Variants in TTC17 observed in about 807,000 individuals in gnomAD.
The protein encoded by TTC17 is tetratricopeptide repeat domain 17, also known as tetratricopeptide repeat protein 17.
A neutral mutation model predicts 143.8 loss-of-function variants in TTC17; 58 were observed. The ratio of observed to expected loss-of-function variants is 0.40; its 90% CI spans 0.33 to 0.50. The LOEUF is 0.50. Among genes scored for constraint, TTC17 ranks in the 20% least tolerant of loss-of-function variants. The pLI is 0.49. For synonymous variants in TTC17, 501 were observed against 497.8 expected (o/e 1.01, Z -0.09); for missense variants, 1,273 against 1,392.5 (o/e 0.91, Z 1.37).
At chr11:43,395,082 C>G (rs1206316888) in intron 5 of TTC17, among the ~76,000 whole-genome samples, 1 of 150,310 alleles carries the variant, frequency 6.7e-6, no homozygotes, top group Non-Finnish European at 1.5e-5. Context: ...ATGATCTCTT[C>G]AGTAGTTCAT....
Position 43,389,755 on chromosome 11 carries a change from A to G in TTC17, c.353A>G (p.Lys118Arg), listed in dbSNP as rs896433669. Residue 118 changes from lysine (K) to arginine (R), a missense_variant, in exon 3 of 24, where the codon AAG becomes AGG. By Grantham distance (26) the Lys-to-Arg change is conservative. This residue lies in a region of TTC17 where 325 missense variants were observed against 444.2 expected (regional missense o/e 0.73). Coordinates refer to ENST00000039989, the MANE Select transcript of TTC17 (RefSeq NM_018259.6). ...GAAGACCCAGACTGCATCAAAGCCA[A>G]GGTGCCCTTAGGGGACCTGGATCTA... ...NKEDPDCIKAKVPLGDLDLYD... is the reference protein window; with the variant it reads ...NKEDPDCIKARVPLGDLDLYD... 1 of 1,614,034 alleles carries G rather than the reference A, an allele frequency of 6.2e-7. No homozygotes were observed. The highest frequency in any genetic ancestry group is 1.3e-5 in the African/African-American group (1 of 74,934).
intron 16 of TTC17, among the ~76,000 whole-genome samples, chr11:43,440,051 G>A (rs761494879): frequency 6.6e-6 from 1 of 152,202 alleles, no homozygotes; most frequent in Non-Finnish European, 1.5e-5. Flanking sequence ...CAAGCAGCAA[G>A]CCTAAGATTT....
intron 16 of TTC17, among the ~76,000 whole-genome samples, chr11:43,435,886 A>G (rs892081243): frequency 5.9e-5 from 9 of 152,220 alleles, no homozygotes; most frequent in African/African-American, 2.2e-4. Flanking sequence ...TTATGAATGG[A>G]ACAAGGTCTT....
In TTC17 at chr11:43,462,914, C is replaced by T. The variant is rs989796134; in HGVS notation, c.3030+11649C>T. 3.0e-4 allele frequency among the ~76,000 whole-genome samples: 34 copies of T among 114,012 alleles called. 3 individuals carry two copies. Among genetic ancestry groups the T allele is most frequent in the African/African-American group, 1.5e-3 (34 of 23,278 alleles). 74.8% of individuals were successfully genotyped at this position (114,012 alleles called of 152,430 possible). Reference sequence around the variant, plus strand: ...ATGTAAGCACTGAATCCAGCAGTGACAAAATTCTTTTTTTTTTTTGAGACA... The same window carrying T: ...ATGTAAGCACTGAATCCAGCAGTGATAAAATTCTTTTTTTTTTTTGAGACA... On this transcript the variant is annotated intron_variant, in intron 21 of 23. Coordinates refer to ENST00000039989, the MANE Select transcript of TTC17 (RefSeq NM_018259.6).
At chr11:43,379,786 T>G (rs909069379) in intron 2 of TTC17, among the ~76,000 whole-genome samples, 4 of 152,212 alleles carry the variant, frequency 2.6e-5, no homozygotes, top group Non-Finnish European at 4.4e-5. Flanking sequence ...TGAAAAACAT[T>G]AATCACCTTG....
intron 16 of TTC17, among the ~76,000 whole-genome samples, chr11:43,431,375 T>G (rs1245161376): frequency 6.6e-6 from 1 of 152,244 alleles, no homozygotes; most frequent in Non-Finnish European, 1.5e-5. Flanking sequence ...ATGAACTAAT[T>G]TACGCTCCCA....
intron 2 of TTC17, among the ~76,000 whole-genome samples, chr11:43,382,038 A>G (rs1310738531): frequency 6.6e-6 from 1 of 152,230 alleles, no homozygotes; most frequent in East Asian, 1.9e-4. Flanking sequence ...GAAATTTGTT[A>G]GTCATTGACA....
intron 1 of TTC17, 95 bp from the exon 2 acceptor site, chr11:43,379,138 C>A (rs1168857173): frequency 1.8e-6 from 2 of 1,135,974 alleles, no homozygotes; most frequent in African/African-American, 1.5e-5. Flanking sequence ...ATTACAATGG[C>A]GAATGAACAA....
rs371848747 is a variant in TTC17, at chr11:43,390,891, C to T, written c.420-574C>T. On this transcript the variant is annotated intron_variant, in intron 3 of 23. Coordinates refer to ENST00000039989, the MANE Select transcript of TTC17 (RefSeq NM_018259.6). The stretch of plus-strand genomic sequence containing the variant: ...TCAGTGGAAGTATAAATTGGTTTAA[C>T]GTTTCTAGACAATTGAGCAGTTGTA... Among the ~76,000 whole-genome samples the T allele has an allele frequency of 1.4e-4, 21 of 152,162 alleles. No homozygotes were observed. The South Asian group carries it at 1.9e-3, about 14-fold the overall frequency.
chr11:43,480,328 A>G (rs961106482), intron 21 of TTC17, among the ~76,000 whole-genome samples: 9 of 152,226 alleles, frequency 5.9e-5, no homozygotes, highest in Admixed American at 2.0e-4. Flanking sequence ...CAGATCACCT[A>G]CAAGGAATGA....
In TTC17 at chr11:43,397,496, G is replaced by A. The variant is rs1857643812; in HGVS notation, c.918+5G>A. On this transcript the variant is annotated splice_donor_5th_base_variant and intron_variant, in intron 7 of 23. Coordinates refer to ENST00000039989, the MANE Select transcript of TTC17 (RefSeq NM_018259.6). The stretch of plus-strand genomic sequence containing the variant: ...ACTTTGGGGAATATATATGCAGTAA[G>A]TACTACTCTTTGTTTCATGAGTCAT... The A allele has an allele frequency of 6.3e-7, 1 of 1,585,016 alleles. No individual in the cohort carries two copies. The highest frequency in any genetic ancestry group is 8.6e-7 in the Non-Finnish European group (1 of 1,164,902).
intron 21 of TTC17, among the ~76,000 whole-genome samples, chr11:43,488,931 G>A (rs1393975973): frequency 6.6e-6 from 1 of 151,890 alleles, no homozygotes; most frequent in Non-Finnish European, 1.5e-5. Flanking sequence ...CTCTTGCCTT[G>A]GCCTCCCAAT....
intron 1 of TTC17, among the ~76,000 whole-genome samples, chr11:43,377,300 AAAT>A (rs1856798736): frequency 6.6e-6 from 1 of 152,040 alleles, no homozygotes; most frequent in African/African-American, 2.4e-5. Flanking sequence ...CTAAAAAAAA[AAAT>A]ATAGTATTAT....
In TTC17 at chr11:43,492,130, C is replaced by T. The variant is rs750326357; in HGVS notation, c.3261C>T (p.Asn1087=). Residue 1087 remains asparagine (N), a synonymous_variant, in exon 23 of 24, where the codon AAC becomes AAT. Transcript: ENST00000039989. ...AGATCGCACCACACTTTGCTGTGAA[C>T]CACTTCACTCTGGGCAATGTCTACG... ...AVEIAPHFAV[N]HFTLGNVYVA... 5 of 1,614,102 alleles carry T rather than the reference C, an allele frequency of 3.1e-6. No individual in the cohort carries two copies. In the South Asian group the frequency reaches 5.5e-5, roughly 18 times the overall value.
At chr11:43,467,528 GAA>G (rs1306712942) in intron 21 of TTC17, among the ~76,000 whole-genome samples, 3 of 152,218 alleles carry the variant, frequency 2.0e-5, no homozygotes, top group Non-Finnish European at 4.4e-5. Context: ...AAGGGGGTGT[GAA>G]AAGTTGTTTA....
chr11:43,441,432 A>C lies in TTC17; in HGVS notation c.2252-1893A>C, dbSNP rs115554778. Among the ~76,000 whole-genome samples, 1,215 of 152,114 alleles carry C rather than the reference A, an allele frequency of 8.0e-3. 16 individuals carry two copies. Among genetic ancestry groups the C allele is most frequent in the African/African-American group, 0.028 (1,176 of 41,476 alleles). On this transcript the variant is annotated intron_variant, in intron 16 of 23. Coordinates refer to ENST00000039989, the MANE Select transcript of TTC17 (RefSeq NM_018259.6). ...CTAAAAAAAAATTAATTTTTCTCTT[A>C]TTATTTCATGTATGTAGTTGTCTGT...
intron 1 of TTC17, among the ~76,000 whole-genome samples, chr11:43,375,661 G>GAA (rs1260807433): frequency 1.3e-5 from 2 of 151,316 alleles, no homozygotes; most frequent in Non-Finnish European, 2.9e-5. Context: ...AAAAAACAGT[G>GAA]AAAGTGTTCA....
chr11:43,412,766 G>T (rs1590378765), intron 15 of TTC17, among the ~76,000 whole-genome samples: 1 of 152,158 alleles, frequency 6.6e-6, no homozygotes, highest in African/African-American at 2.4e-5. Flanking sequence ...AAACATTTCT[G>T]GTTCTAGGCA....
intron 19 of TTC17, 86 bp from the exon 20 acceptor site, chr11:43,449,996 T>G: frequency 1.4e-6 from 2 of 1,418,680 alleles, no homozygotes; most frequent in Non-Finnish European, 1.9e-6. Flanking sequence ...TAATGCTGTC[T>G]CTCCTTGATT....
Sources: allele counts gnomAD v4.1 joint callset (sites outside exome capture counted in the v4.1 genomes callset), GRCh38; gene constraint gnomAD v4.1.1; regional missense constraint gnomAD v4.1.1; transcripts MANE v1.5; gene names NCBI Gene and HGNC (gene_info 2026-07-23, HGNC 2026-07-21).